Variants in ESR1 observed in about 807,000 individuals in gnomAD.
ESR1 encodes the protein estrogen receptor.
Under a neutral mutation model 52.7 loss-of-function variants are expected in ESR1, and 12 were observed. The ratio of observed to expected loss-of-function variants is 0.23; its 90% CI spans 0.15 to 0.37. The LOEUF (loss-of-function observed/expected upper bound fraction) is 0.37, where lower values mean the gene tolerates loss of function less well. ESR1 is among the 10% of genes least tolerant of loss of function. The pLI, the probability that ESR1 is intolerant of heterozygous loss-of-function variation, is 1.00. For synonymous variants in ESR1, 305 were observed against 316.8 expected (o/e 0.96, Z 0.39); for missense variants, 584 against 779.7 (o/e 0.75, Z 2.99).
At chr6:152,122,787 G>A in intron 6 of ESR1, 1 of 1,548,512 alleles carries the variant, frequency 6.5e-7, no homozygotes, top group Admixed American at 1.7e-5. Flanking sequence ...GCACACCCCA[G>A]CCTGGCGATC....
rs1001448697 is a variant in ESR1, at chr6:151,985,536, C to A, written c.1097-26120C>A. Among the ~76,000 whole-genome samples the A allele has an allele frequency of 8.9e-3, 604 of 67,642 alleles. 15 individuals are homozygous for A. Among genetic ancestry groups the A allele is most frequent in the African/African-American group, 0.038 (517 of 13,528 alleles). The allele number at this position is 67,642 out of a possible 152,430, so 44.4% of individuals were successfully genotyped here. On this transcript the variant is annotated intron_variant, in intron 4 of 7. Transcript: ENST00000206249. Reference sequence around the variant, plus strand: ...AAAAAAAAAAAAAAAAAAAAAAACACAAACAAAAAAAAAAAAGAAAAAGAA... The same window carrying A: ...AAAAAAAAAAAAAAAAAAAAAAACAAAAACAAAAAAAAAAAAGAAAAAGAA...
intron 1 of ESR1, among the ~76,000 whole-genome samples, chr6:151,683,708 T>C (rs930740922): frequency 4.0e-5 from 6 of 151,378 alleles, no homozygotes; most frequent in African/African-American, 1.5e-4. Flanking sequence ...TTTTTTTCTT[T>C]TTTTTTTTGA....
intron 5 of ESR1, among the ~76,000 whole-genome samples, chr6:152,022,520 A>G (rs2043753148): frequency 6.6e-6 from 1 of 152,162 alleles, no homozygotes; most frequent in Non-Finnish European, 1.5e-5. Flanking sequence ...AGACAAGATA[A>G]TAGAGAAAAG....
chr6:151,812,108 A>G (rs1778926692), intron 1 of ESR1, among the ~76,000 whole-genome samples: 1 of 152,168 alleles, frequency 6.6e-6, no homozygotes, highest in African/African-American at 2.4e-5. Flanking sequence ...GACAGGTGTA[A>G]GAAACTGCCA....
At chr6:151,905,656 T>C (rs555014321) in intron 3 of ESR1, among the ~76,000 whole-genome samples, 2 of 152,258 alleles carry the variant, frequency 1.3e-5, no homozygotes, top group East Asian at 1.9e-4. Context: ...GAACTTTTGG[T>C]TTAAAGTAAG....
intron 2 of ESR1, among the ~76,000 whole-genome samples, chr6:151,706,276 C>T (rs996425838): frequency 4.6e-5 from 7 of 152,190 alleles, no homozygotes; most frequent in African/African-American, 1.7e-4. Flanking sequence ...TATTGAAAAG[C>T]TCTTCATAGT....
chr6:152,125,330 G>A, exon 7 of ESR1: 1 of 1,550,416 alleles, frequency 6.4e-7, no homozygotes, highest in South Asian at 1.2e-5. Flanking sequence ...TTGGAAACAA[G>A]TGGTTTCCTC....
chr6:151,686,231 T>G (rs926866574), upstream of ESR1, among the ~76,000 whole-genome samples: 1 of 152,142 alleles, frequency 6.6e-6, no homozygotes, highest in African/African-American at 2.4e-5. Context: ...AGAAAGAGAC[T>G]ATTTTTATCC....
chr6:151,932,077 A>G lies in ESR1; in HGVS notation c.761-12096A>G, dbSNP rs1301084343. Among the ~76,000 whole-genome samples the G allele has an allele frequency of 2.7e-5, 4 of 149,326 alleles. No homozygotes were observed. The East Asian group carries it at 6.0e-4, about 22-fold the overall frequency. ...AGTTTACAGTCCCACCAACAGTGTA[A>G]AAGTCTTCCTATTTCTCCACATCCT... On this transcript the variant is annotated intron_variant, in intron 3 of 7. Transcript: ENST00000206249.
chr6:151,919,065 A>G (rs1201969890), intron 3 of ESR1, among the ~76,000 whole-genome samples: 1 of 152,198 alleles, frequency 6.6e-6, no homozygotes, highest in Non-Finnish European at 1.5e-5. Context: ...TGTGTCATTA[A>G]TATTAATGTG....
intron 3 of ESR1, among the ~76,000 whole-genome samples, chr6:151,892,022 TC>T (rs1264990147): frequency 2.6e-5 from 4 of 152,216 alleles, no homozygotes; most frequent in African/African-American, 9.6e-5. Context: ...TTTTTGAAAG[TC>T]TGATTTTGTT....
chr6:152,041,582 C>G (rs1398978373), intron 5 of ESR1, among the ~76,000 whole-genome samples: 2 of 152,182 alleles, frequency 1.3e-5, no homozygotes, highest in African/African-American at 2.4e-5. Context: ...ATTTTATTTC[C>G]CAACCTCTGG....
At chr6:151,988,236 A>G (rs1017441808) in intron 4 of ESR1, among the ~76,000 whole-genome samples, 3 of 152,066 alleles carry the variant, frequency 2.0e-5, no homozygotes, top group African/African-American at 7.3e-5. Context: ...CTGCAACTAG[A>G]CGGTCCCATC....
chr6:151,838,010 A>AT (rs1215121583), intron 1 of ESR1, among the ~76,000 whole-genome samples: 4 of 152,096 alleles, frequency 2.6e-5, no homozygotes, highest in Non-Finnish European at 5.9e-5. Flanking sequence ...TATTTTATAT[A>AT]TTTTTTATAG....
At position 152,023,041 on chromosome 6, in the gene ESR1, G is replaced by A. The variant is rs140788630; in HGVS notation, c.1235+11247G>A. Among the ~76,000 whole-genome samples, 1,251 of 151,908 alleles carry A rather than the reference G, an allele frequency of 8.2e-3. 7 individuals carry two copies. The highest frequency in any genetic ancestry group is 0.013 in the Non-Finnish European group (854 of 67,936). On this transcript the variant is annotated intron_variant, in intron 5 of 7. Coordinates refer to ENST00000206249, the MANE Select transcript of ESR1 (RefSeq NM_000125.4). ...AATTGGGCCAAATACCAGAGAGATG[G>A]ACAGGAGTAAGAAGAAAAAGACTAA...
intron 6 of ESR1, among the ~76,000 whole-genome samples, chr6:152,108,292 T>C (rs1755514743): frequency 6.6e-6 from 1 of 152,320 alleles, no homozygotes; most frequent in South Asian, 2.1e-4. Context: ...TCCTTCTACC[T>C]GCCTTGTTCT....
At chr6:151,672,689 T>G (rs1431550565) in intron 1 of ESR1, among the ~76,000 whole-genome samples, 1 of 151,932 alleles carries the variant, frequency 6.6e-6, no homozygotes. Flanking sequence ...GCCATCCTGG[T>G]CTTGAACTCC....
exon 7 of ESR1, chr6:152,128,858 C>T (rs1173693368): frequency 2.6e-5 from 4 of 152,290 alleles, no homozygotes; most frequent in African/African-American, 7.2e-5. Flanking sequence ...CTTTCATTCT[C>T]GGGGTTGGGT....
At chr6:151,724,574 T>TCACACA (rs1017664300) in intron 2 of ESR1, among the ~76,000 whole-genome samples, 1 of 144,350 alleles carries the variant, frequency 6.9e-6, no homozygotes, top group South Asian at 2.1e-4. Flanking sequence ...ACCCAAACAA[T>TCACACA]CACACACACA....
Sources: allele counts gnomAD v4.1 joint callset (sites outside exome capture counted in the v4.1 genomes callset), GRCh38; gene constraint gnomAD v4.1.1; transcripts MANE v1.5; gene names NCBI Gene and HGNC (gene_info 2026-07-23, HGNC 2026-07-21).